The following C5 variants were observed in gnomAD, a reference collection of about 807,000 sequenced individuals.
C5 encodes complement C5.
Under a neutral mutation model 218.8 loss-of-function variants are expected in C5, and 140 were observed. The observed-to-expected ratio is 0.64, with a 90% CI of 0.56 to 0.74. The LOEUF (loss-of-function observed/expected upper bound fraction) is 0.74. C5 is among the 30% of genes least tolerant of loss of function. C5 has a pLI of 0.00. For synonymous variants in C5, 614 were observed against 682.3 expected (o/e 0.90, Z 1.56); for missense variants, 1,700 against 1,969.6 (o/e 0.86, Z 2.59).
intron 33 of C5, 29 bp downstream of exon 33, chr9:120,969,032 T>C: frequency 6.3e-7 from 1 of 1,590,930 alleles, no homozygotes; most frequent in African/African-American, 1.3e-5. Context: ...ACTTGGAGTC[T>C]ATGCTCCCCT....
intron 12 of C5, among the ~76,000 whole-genome samples, chr9:121,018,797 G>GGAAA (rs2047338623): frequency 1.3e-5 from 2 of 149,294 alleles, no homozygotes; most frequent in African/African-American, 2.5e-5. Flanking sequence ...AAGGAAGGAA[G>GGAAA]GAAGAAAGAG....
chr9:120,996,147 T>C lies in C5; in HGVS notation c.2851+93A>G, dbSNP rs10760134. ...AGTGGATACTACTGATTTTAGACAA[T>C]TCACTTTCTGAAAAATAGTGTTTTA... On this transcript the variant is annotated intron_variant, in intron 22 of 40. Transcript: ENST00000223642. 461,570 of 1,016,098 alleles carry C rather than the reference T, an allele frequency of 0.45. 111,040 individuals carry two copies. The highest frequency in any genetic ancestry group is 0.63 in the South Asian group (49,752 of 78,432). The allele number at this position is 1,016,098 out of a possible 1,614,324, so 62.9% of individuals were successfully genotyped here.
intron 1 of C5, among the ~76,000 whole-genome samples, chr9:121,047,498 A>C (rs1456323062): frequency 1.3e-5 from 2 of 152,194 alleles, no homozygotes. Context: ...ATACGCTATT[A>C]CATAGGAAAA....
intron 17 of C5, among the ~76,000 whole-genome samples, chr9:121,009,320 G>C (rs1379497135): frequency 5.9e-5 from 9 of 152,238 alleles, no homozygotes; most frequent in African/African-American, 1.7e-4. Flanking sequence ...ATCTCTAAGA[G>C]AAAGGAAACA....
the C5 span, among the ~76,000 whole-genome samples, chr9:121,064,739 T>G: frequency 6.6e-6 from 1 of 152,348 alleles, no homozygotes; most frequent in African/African-American, 2.4e-5. Context: ...AGAGTTAAAC[T>G]TAATTCAAAC....
intron 32 of C5, among the ~76,000 whole-genome samples, 190 bp downstream of exon 32, chr9:120,969,980 C>T (rs558664761): frequency 3.3e-5 from 5 of 152,228 alleles, no homozygotes; most frequent in South Asian, 2.1e-4. Flanking sequence ...TATTAGCTTC[C>T]GACTATATTA....
At chr9:121,049,175 C>G (rs1412348393) in intron 1 of C5, among the ~76,000 whole-genome samples, 1 of 152,202 alleles carries the variant, frequency 6.6e-6, no homozygotes, top group Admixed American at 6.6e-5. Context: ...AAATGGTACA[C>G]TCTGACTTCT....
intron 4 of C5, among the ~76,000 whole-genome samples, chr9:121,035,561 C>T (rs2047517162): frequency 6.6e-6 from 1 of 151,992 alleles, no homozygotes; most frequent in African/African-American, 2.4e-5. Context: ...ATAAGTGAGG[C>T]CCCTATCTGT....
intron 6 of C5, 56 bp from the exon 7 acceptor site, chr9:121,030,543 G>T: frequency 1.9e-6 from 2 of 1,028,652 alleles, no homozygotes; most frequent in East Asian, 2.6e-5. Flanking sequence ...AGACTTTAAA[G>T]CCTAGCAAAC....
In C5 at chr9:121,032,148, G is replaced by A; in HGVS notation, c.632C>T (p.Thr211Ile). The change falls in exon 6 of 41, where the codon ACA becomes ATA. Residue 211 changes from threonine (T) to isoleucine (I), a missense_variant. Coordinates refer to ENST00000223642, the MANE Select transcript of C5 (RefSeq NM_001735.3). ...IKAKYKEDFSTTGTAYFEVKE... is the reference protein window; with the variant it reads ...IKAKYKEDFSITGTAYFEVKE... ...AACTTCAAAATATGCGGTTCCAGTT[G>A]TTGAAAAGTCCTCTTTATATTTAGC... is the stretch of plus-strand genomic sequence containing the variant. 1 of 1,607,970 alleles carries A rather than the reference G, an allele frequency of 6.2e-7. No individual in the cohort carries two copies. Among genetic ancestry groups the A allele is most frequent in the South Asian group, 1.1e-5 (1 of 90,964 alleles).
intron 16 of C5, among the ~76,000 whole-genome samples, chr9:121,014,515 G>C (rs1189973874): frequency 6.6e-6 from 1 of 152,088 alleles, no homozygotes; most frequent in Non-Finnish European, 1.5e-5. Flanking sequence ...TATATAACAT[G>C]GTTTGTGGAC....
At chr9:121,066,120 C>T in the C5 span, among the ~76,000 whole-genome samples, 2 of 151,734 alleles carry the variant, frequency 1.3e-5, no homozygotes, top group Non-Finnish European at 2.9e-5. Context: ...CAAGACCAGC[C>T]TGGCCAATAT....
chr9:120,964,291 A>G (rs1328322882), intron 33 of C5, among the ~76,000 whole-genome samples: 1 of 152,218 alleles, frequency 6.6e-6, no homozygotes, highest in African/African-American at 2.4e-5. Context: ...CAGCCTGGCT[A>G]ACACGGTGAA....
chr9:120,963,578 A>G (rs961461058), intron 34 of C5, 58 bp downstream of exon 34: 1 of 1,199,170 alleles, frequency 8.3e-7, no homozygotes, highest in South Asian at 1.2e-5. Flanking sequence ...ATTGTCTATA[A>G]AATAATTCAG....
At chr9:121,021,837 A>T in intron 10 of C5, 143 bp from the exon 11 acceptor site, 1 of 759,180 alleles carries the variant, frequency 1.3e-6, no homozygotes. Context: ...TGAGACAGAG[A>T]CTTACTACGT....
chr9:120,980,651 T>TG (rs1412673251), intron 27 of C5, among the ~76,000 whole-genome samples: 4 of 152,152 alleles, frequency 2.6e-5, no homozygotes, highest in Admixed American at 2.6e-4. Flanking sequence ...AGTGCAGTGC[T>TG]GCGATCTCGG....
intron 38 of C5, among the ~76,000 whole-genome samples, chr9:120,959,737 G>C (rs1290274871): frequency 1.3e-5 from 2 of 152,226 alleles, no homozygotes; most frequent in Non-Finnish European, 2.9e-5. Flanking sequence ...AGCTCTAAGC[G>C]CTGGACAACT....
chr9:120,970,219 A>C lies in C5; in HGVS notation c.4113T>G (p.Ser1371=). 3 of 1,613,512 alleles carry C rather than the reference A, an allele frequency of 1.9e-6. No homozygotes were observed. The highest frequency in any genetic ancestry group is 1.7e-6 in the Non-Finnish European group (2 of 1,179,490). The change falls in exon 32 of 41, where the codon TCT becomes TCG. Residue 1371 remains serine (S), a synonymous_variant. Coordinates refer to ENST00000223642, the MANE Select transcript of C5 (RefSeq NM_001735.3). Reference sequence around the variant, plus strand: ...TCAAATAAAAGCTGCAAACTTCCTCAGAGGTACTGGTTTTGTGAACTACAG... The same window carrying C: ...TCAAATAAAAGCTGCAAACTTCCTCCGAGGTACTGGTTTTGTGAACTACAG... ...VTTVVHKTST[S]EEVCSFYLKI... is the part of the protein sequence containing the mutation.
At chr9:121,032,903 A>T (rs970770151) in intron 5 of C5, among the ~76,000 whole-genome samples, 1 of 152,088 alleles carries the variant, frequency 6.6e-6, no homozygotes, top group Admixed American at 6.6e-5. Flanking sequence ...TAGGAGGCTG[A>T]GGTGGGAGAA....
Sources: gnomAD v4.1 joint callset for allele counts (sites outside exome capture counted in the v4.1 genomes callset) on GRCh38, gnomAD v4.1.1 for gene constraint, MANE v1.5 for transcripts, NCBI Gene and HGNC (gene_info 2026-07-23, HGNC 2026-07-21) for gene names.